SPATA6: variants seen among roughly 807,000 people sequenced by gnomAD.
SPATA6 encodes the protein spermatogenesis associated 6.
SPATA6 carries 56 observed loss-of-function variants against 65.3 expected under a neutral mutation model. The ratio of observed to expected loss-of-function variants is 0.86; its 90% CI spans 0.69 to 1.07. SPATA6 has a LOEUF of 1.07. Among genes scored for constraint, SPATA6 ranks in the 50% least tolerant of loss-of-function variants. SPATA6 has a pLI of 0.00. For missense variants in SPATA6, 590 were observed against 594.8 expected, an observed-to-expected ratio of 0.99 and a Z score of 0.08; for synonymous variants, 199 against 213.2, an observed-to-expected ratio of 0.93 and a Z score of 0.58.
intron 8 of SPATA6, among the ~76,000 whole-genome samples, chr1:48,392,354 G>T (rs1650158669): frequency 6.6e-6 from 1 of 152,032 alleles, no homozygotes; most frequent in Non-Finnish European, 1.5e-5. Flanking sequence ...GGATGTACTT[G>T]ATTTCCTCTT....
rs549435143 is a variant in SPATA6 at position 48,427,033 on chromosome 1, C to T, written c.239-13882G>A. Among the ~76,000 whole-genome samples the T allele has an allele frequency of 5.7e-4, 86 of 151,950 alleles. 3 individuals carry two copies. In the South Asian group the frequency reaches 0.017, roughly 30 times the overall value. ...CTCAAACTCCTGGGCTCAAGTGATC[C>T]TCTGACCTCAGCCTTCTGAGCAGCT... On this transcript the variant is annotated intron_variant, in intron 3 of 12. Transcript: ENST00000371847.
chr1:48,410,037 T>C (rs1333222844), intron 5 of SPATA6, among the ~76,000 whole-genome samples: 3 of 152,236 alleles, frequency 2.0e-5, no homozygotes, highest in Admixed American at 6.5e-5. Flanking sequence ...ACTCAGAAAA[T>C]TGAATTTTCT....
intron 11 of SPATA6, among the ~76,000 whole-genome samples, chr1:48,321,602 A>T (rs967986810): frequency 6.6e-6 from 1 of 152,156 alleles, no homozygotes; most frequent in African/African-American, 2.4e-5. Flanking sequence ...TTTCAGTACT[A>T]GACAGACATC....
At chr1:48,273,770 G>A in the SPATA6 span, among the ~76,000 whole-genome samples, 1 of 152,048 alleles carries the variant, frequency 6.6e-6, no homozygotes, top group Non-Finnish European at 1.5e-5. Flanking sequence ...GGTTCCAAGT[G>A]TTTGCTATTG....
intron 3 of SPATA6, among the ~76,000 whole-genome samples, chr1:48,428,699 A>G (rs1654073660): frequency 1.3e-5 from 2 of 151,910 alleles, no homozygotes; most frequent in African/African-American, 4.8e-5. Flanking sequence ...CTGTCTCAGG[A>G]GCGGCAGAGA....
chr1:48,283,364 T>TA, the SPATA6 span, among the ~76,000 whole-genome samples: 1 of 151,072 alleles, frequency 6.6e-6, no homozygotes, highest in Non-Finnish European at 1.5e-5. Flanking sequence ...AAAAAATTTT[T>TA]AAAAAAGATA....
At chr1:48,445,712 A>G (rs544346389) in intron 3 of SPATA6, among the ~76,000 whole-genome samples, 192 of 151,210 alleles carry the variant, frequency 1.3e-3, no homozygotes, top group African/African-American at 4.4e-3. Flanking sequence ...CACCTGAACG[A>G]AAGGTAGAAC....
intron 6 of SPATA6, chr1:48,400,682 T>C: frequency 1.1e-6 from 1 of 899,460 alleles, no homozygotes. Flanking sequence ...GAGTCAAATT[T>C]TTTAAGTGGA....
intron 5 of SPATA6, 99 bp from the exon 6 acceptor site, chr1:48,403,981 G>T: frequency 1.3e-6 from 1 of 795,322 alleles, no homozygotes; most frequent in Non-Finnish European, 1.9e-6. Context: ...ACCTGTCAAA[G>T]TTCAGCTGTT....
chr1:48,359,657 G>A lies in SPATA6; in HGVS notation c.1023C>T (p.Val341=), dbSNP rs1461866052. The A allele has an allele frequency of 1.2e-6, 2 of 1,613,768 alleles. No individual in the cohort carries two copies. The highest frequency in any genetic ancestry group is 1.7e-6 in the Non-Finnish European group (2 of 1,179,816). Residue 341 remains valine (V), a synonymous_variant, in exon 10 of 13, where the codon GTC becomes GTT. Transcript: ENST00000371847. ...KPRHSARTLL[V]HSAPSTMPKH... is the part of the protein sequence containing the mutation. ...TTGGCATTGTTGAGGGTGCTGAATG[G>A]ACTAGCAAGGTCCTCGCTGAATGCC... is the stretch of plus-strand genomic sequence containing the variant.
chr1:48,457,817 G>A (rs1251839022), intron 1 of SPATA6, among the ~76,000 whole-genome samples: 1 of 151,908 alleles, frequency 6.6e-6, no homozygotes, highest in Non-Finnish European at 1.5e-5. Context: ...AGAAAAAAGA[G>A]CACCAGTAAA....
intron 1 of SPATA6, among the ~76,000 whole-genome samples, chr1:48,464,482 C>A (rs1337998986): frequency 6.6e-6 from 1 of 152,064 alleles, no homozygotes; most frequent in Non-Finnish European, 1.5e-5. Context: ...AAGATATATA[C>A]AAGAATGCTC....
Position 48,437,149 on chromosome 1 carries a change from T to C in SPATA6, c.238+14403A>G, listed in dbSNP as rs537148043. The stretch of plus-strand genomic sequence containing the variant: ...TGCTTATAACAAGCCATCAATACCA[T>C]TGCCTCCAGTGTTACCTTGGACTGA... On this transcript the variant is annotated intron_variant, in intron 3 of 12. Coordinates refer to ENST00000371847, the MANE Select transcript of SPATA6 (RefSeq NM_019073.4). 85 of 1,602,992 alleles carry C rather than the reference T, an allele frequency of 5.3e-5. No homozygotes were observed. In the African/African-American group the frequency reaches 6.3e-4, roughly 12 times the overall value.
At chr1:48,294,147 G>C (rs947636270), downstream of SPATA6, among the ~76,000 whole-genome samples, 39 of 152,186 alleles carry the variant, frequency 2.6e-4, no homozygotes, top group African/African-American at 9.4e-4. Flanking sequence ...CACAGTCTTG[G>C]CTCACTGCAG....
At chr1:48,466,443 A>G (rs576684978) in intron 1 of SPATA6, among the ~76,000 whole-genome samples, 31 of 152,252 alleles carry the variant, frequency 2.0e-4, no homozygotes, top group African/African-American at 5.5e-4. Context: ...ATACTTAGTA[A>G]TAAGTACAAA....
At chr1:48,268,109 G>A in the SPATA6 span, among the ~76,000 whole-genome samples, 1 of 151,876 alleles carries the variant, frequency 6.6e-6, no homozygotes, top group Non-Finnish European at 1.5e-5. Flanking sequence ...GGTGGTCTTG[G>A]AAAATGCGAC....
At chr1:48,377,845 C>G (rs189881039) in intron 9 of SPATA6, among the ~76,000 whole-genome samples, 1 of 152,108 alleles carries the variant, frequency 6.6e-6, no homozygotes, top group South Asian at 2.1e-4. Flanking sequence ...AAAATTGTTG[C>G]TAAGAAGCAA....
chr1:48,435,862 C>G, intron 3 of SPATA6: 1 of 1,206,550 alleles, frequency 8.3e-7, no homozygotes, highest in Non-Finnish European at 1.2e-6. Flanking sequence ...TGGCCATGGT[C>G]GCTGCTAGGT....
At chr1:48,419,268 C>T (rs1351215320) in intron 3 of SPATA6, among the ~76,000 whole-genome samples, 3 of 152,090 alleles carry the variant, frequency 2.0e-5, no homozygotes, top group South Asian at 2.1e-4. Flanking sequence ...GATAACAGTT[C>T]CTGACCTCAG....
Sources: allele counts gnomAD v4.1 joint callset (sites outside exome capture counted in the v4.1 genomes callset), GRCh38; gene constraint gnomAD v4.1.1; transcripts MANE v1.5; gene names NCBI Gene and HGNC (gene_info 2026-07-23, HGNC 2026-07-21).